The following DNAH8 variants were observed in gnomAD, a reference collection of about 807,000 sequenced individuals.
The protein encoded by DNAH8 is axonemal beta dynein heavy chain 8.
DNAH8 carries 382 observed loss-of-function variants against 562.1 expected under a neutral mutation model. The observed-to-expected ratio is 0.68, with a 90% CI of 0.63 to 0.74. The LOEUF (loss-of-function observed/expected upper bound fraction) is 0.74. DNAH8 is among the 30% of genes least tolerant of loss of function. DNAH8 has a pLI of 0.00. For missense variants in DNAH8, 5,203 were observed against 5,620.4 expected (o/e 0.93, Z 2.37); for synonymous variants, 1,881 against 1,919.4 (o/e 0.98, Z 0.52).
chr6:38,981,028 A>AGTGTGTGT (rs368543739), intron 85 of DNAH8, among the ~76,000 whole-genome samples: 3,387 of 145,672 alleles, frequency 0.023, 58 homozygotes, highest in African/African-American at 0.036. Context: ...TGAAAACGGC[A>AGTGTGTGT]GTGTGTGTGT....
intron 53 of DNAH8, among the ~76,000 whole-genome samples, chr6:38,881,264 A>G (rs116835011): frequency 1.4e-3 from 218 of 152,326 alleles, no homozygotes; most frequent in African/African-American, 4.9e-3. Flanking sequence ...TATTACTCCA[A>G]TGATGAGTAT....
intron 23 of DNAH8, among the ~76,000 whole-genome samples, chr6:38,807,070 C>T (rs113816592): frequency 7.2e-5 from 11 of 152,166 alleles, no homozygotes; most frequent in African/African-American, 2.7e-4. Context: ...CTGTCCTGTG[C>T]TCTGATCAAT....
At position 38,825,974 on chromosome 6, in the gene DNAH8, A is replaced by G. The variant is rs544053378; in HGVS notation, c.3848-182A>G. ...CACGGGGATACATGCTCTGTGGGACAGGAATTAAGTCTTCAAAATCTAGTA... is the reference window on the plus strand; with the variant it reads ...CACGGGGATACATGCTCTGTGGGACGGGAATTAAGTCTTCAAAATCTAGTA... On this transcript the variant is annotated intron_variant, in intron 28 of 92. Transcript: ENST00000327475. 2.6e-5 allele frequency among the ~76,000 whole-genome samples: 4 copies of G among 152,318 alleles called. No individual in the cohort carries two copies. The East Asian group carries it at 7.7e-4, about 29-fold the overall frequency.
At chr6:39,007,459 A>G (rs1317857873) in intron 88 of DNAH8, among the ~76,000 whole-genome samples, 2 of 152,274 alleles carry the variant, frequency 1.3e-5, no homozygotes, top group Non-Finnish European at 2.9e-5. Context: ...CAAAATTAGC[A>G]AACAAAACAA....
intron 79 of DNAH8, among the ~76,000 whole-genome samples, chr6:38,941,986 G>C (rs1043644047): frequency 6.6e-6 from 1 of 152,092 alleles, no homozygotes; most frequent in East Asian, 1.9e-4. Flanking sequence ...AATGGGGTTA[G>C]TGCCTTTATG....
intron 4 of DNAH8, among the ~76,000 whole-genome samples, chr6:38,731,979 G>A (rs1450304183): frequency 1.3e-5 from 2 of 152,200 alleles, no homozygotes; most frequent in Non-Finnish European, 2.9e-5. Flanking sequence ...GCCTTCCAAA[G>A]TGCTGAGATT....
chr6:38,729,837 C>T, intron 3 of DNAH8, 65 bp from the exon 4 acceptor site: 1 of 848,752 alleles, frequency 1.2e-6, no homozygotes, highest in South Asian at 1.6e-5. Context: ...TCATCTTCTT[C>T]ATCTGCAAAA....
At chr6:38,996,375 T>C (rs1023205422) in intron 88 of DNAH8, among the ~76,000 whole-genome samples, 4 of 152,208 alleles carry the variant, frequency 2.6e-5, no homozygotes, top group Non-Finnish European at 4.4e-5. Flanking sequence ...ATATGTTGTC[T>C]AGACCTTTCC....
intron 53 of DNAH8, among the ~76,000 whole-genome samples, chr6:38,882,195 C>A (rs1561810845): frequency 6.6e-6 from 1 of 152,146 alleles, no homozygotes; most frequent in African/African-American, 2.4e-5. Flanking sequence ...TCTGACCCAC[C>A]AATCTCATTA....
At chr6:38,996,403 T>C (rs1318393869) in intron 88 of DNAH8, among the ~76,000 whole-genome samples, 1 of 152,208 alleles carries the variant, frequency 6.6e-6, no homozygotes, top group Non-Finnish European at 1.5e-5. Flanking sequence ...TCCACAGTCA[T>C]TTATACAATT....
chr6:38,993,159 A>G (rs1764905930), intron 88 of DNAH8, among the ~76,000 whole-genome samples: 1 of 152,084 alleles, frequency 6.6e-6, no homozygotes, highest in African/African-American at 2.4e-5. Context: ...TTCCATATTG[A>G]TATCTCCTTT....
At chr6:39,014,784 G>T (rs187425231) in intron 91 of DNAH8, among the ~76,000 whole-genome samples, 25 of 152,280 alleles carry the variant, frequency 1.6e-4, no homozygotes, top group Non-Finnish European at 3.1e-4. Context: ...AAGGCTGGGG[G>T]TAGTGGGGAA....
chr6:38,931,528 A>C (rs927893540), intron 75 of DNAH8, among the ~76,000 whole-genome samples: 1 of 152,166 alleles, frequency 6.6e-6, no homozygotes, highest in African/African-American at 2.4e-5. Context: ...CAAATCTTAG[A>C]TATGTCTAAG....
At chr6:38,825,385 G>A (rs1426983654) in intron 28 of DNAH8, among the ~76,000 whole-genome samples, 5 of 152,154 alleles carry the variant, frequency 3.3e-5, no homozygotes, top group Non-Finnish European at 4.4e-5. Flanking sequence ...GAGTTGACTA[G>A]TTAGAGCTGT....
intron 15 of DNAH8, among the ~76,000 whole-genome samples, chr6:38,780,670 G>A (rs1403551909): frequency 6.6e-6 from 1 of 152,104 alleles, no homozygotes; most frequent in African/African-American, 2.4e-5. Context: ...GAAGGGAACA[G>A]TAGACACTGG....
At chr6:38,870,955 T>G (rs948640651) in intron 49 of DNAH8, among the ~76,000 whole-genome samples, 3 of 152,216 alleles carry the variant, frequency 2.0e-5, no homozygotes, top group African/African-American at 7.2e-5. Context: ...TTGCTCCTGC[T>G]TTGTGTGTGG....
At chr6:38,802,933 T>G (rs187684525) in intron 21 of DNAH8, among the ~76,000 whole-genome samples, 35 of 152,370 alleles carry the variant, frequency 2.3e-4, no homozygotes, top group Admixed American at 5.2e-4. Flanking sequence ...GATTTCTATG[T>G]GTGATTGAGT....
intron 26 of DNAH8, among the ~76,000 whole-genome samples, chr6:38,820,017 T>A (rs1772679651): frequency 6.6e-6 from 1 of 152,226 alleles, no homozygotes; most frequent in Non-Finnish European, 1.5e-5. Context: ...TCTATAAATG[T>A]AATACAATTC....
intron 4 of DNAH8, 136 bp from the exon 5 acceptor site, chr6:38,734,338 A>G: frequency 1.3e-6 from 1 of 743,390 alleles, no homozygotes; most frequent in Non-Finnish European, 1.8e-6. Context: ...CCCCCCCCAA[A>G]AAAATTATTC....
Sources: gnomAD v4.1 joint callset for allele counts (sites outside exome capture counted in the v4.1 genomes callset) on GRCh38, gnomAD v4.1.1 for gene constraint, MANE v1.5 for transcripts, NCBI Gene and HGNC (gene_info 2026-07-23, HGNC 2026-07-21) for gene names.